The following PRMT7 variants were observed in gnomAD, a reference collection of about 807,000 sequenced individuals.
The protein encoded by PRMT7 is protein arginine methyltransferase 7.
Under a neutral mutation model 85.4 loss-of-function variants are expected in PRMT7, and 75 were observed. The ratio of observed to expected loss-of-function variants is 0.88; its 90% CI spans 0.73 to 1.06. The LOEUF is 1.06. PRMT7 is among the 50% of genes least tolerant of loss of function. The pLI, the probability that PRMT7 is intolerant of heterozygous loss-of-function variation, is 0.00. For missense variants in PRMT7, 868 were observed against 915.2 expected (o/e 0.95, Z 0.67); for synonymous variants, 397 against 359.5 (o/e 1.10, Z -1.18).
rs534158142 is a variant in PRMT7 at position 68,336,028 on chromosome 16, C to T, written c.392-1431C>T. Reference sequence around the variant, plus strand: ...CTGACCTCAGGTGATCTGCCCATCTCAGCCTCCCAAAGTGCTGGGATTACA... The same window carrying T: ...CTGACCTCAGGTGATCTGCCCATCTTAGCCTCCCAAAGTGCTGGGATTACA... On this transcript the variant is annotated intron_variant, in intron 6 of 18. Transcript: ENST00000441236. 3.9e-5 allele frequency among the ~76,000 whole-genome samples: 6 copies of T among 152,234 alleles called. No homozygotes were observed. In the East Asian group the frequency reaches 5.8e-4, roughly 15 times the overall value.
intron 9 of PRMT7, among the ~76,000 whole-genome samples, chr16:68,345,055 A>G (rs1315575803): frequency 6.6e-6 from 1 of 151,970 alleles, no homozygotes; most frequent in Non-Finnish European, 1.5e-5. Flanking sequence ...TTATCTCCCA[A>G]GAATGAAAAC....
At chr16:68,349,783 G>A (rs2087000224) in intron 14 of PRMT7, among the ~76,000 whole-genome samples, 1 of 152,094 alleles carries the variant, frequency 6.6e-6, no homozygotes, top group African/African-American at 2.4e-5. Context: ...AGTCCCAGGA[G>A]GCTGAGGTGG....
chr16:68,357,187 T>A lies in PRMT7; in HGVS notation c.2042T>A (p.Ile681Asn). 1 of 1,613,880 alleles carries A rather than the reference T, an allele frequency of 6.2e-7. No individual in the cohort carries two copies. The highest frequency in any genetic ancestry group is 8.5e-7 in the Non-Finnish European group (1 of 1,179,954). The change falls in exon 19 of 19, where the codon ATC (isoleucine) becomes AAC (asparagine). Residue 681 changes from isoleucine to asparagine, a missense_variant. Physicochemically the swap from Ile to Asn is moderately radical, Grantham distance 149. Coordinates refer to ENST00000441236, the MANE Select transcript of PRMT7 (RefSeq NM_019023.5). ...GAGTTTCACCCCGACACAGGCGACA[T>A]CATCATGGAGTTCAGGCATGCAGAT... ...AVEFHPDTGD[I>N]IMEFRHADTP... is the part of the protein sequence containing the mutation.
rs1210322152 is a variant in PRMT7, at chr16:68,357,152, C to T, written c.2007C>T (p.Ser669=). 4 of 1,614,040 alleles carry T rather than the reference C, an allele frequency of 2.5e-6. No individual in the cohort carries two copies. The highest frequency in any genetic ancestry group is 1.1e-5 in the South Asian group (1 of 91,088). Residue 669 remains serine (S), a synonymous_variant, in exon 19 of 19, where the codon AGC becomes AGT. Coordinates refer to ENST00000441236, the MANE Select transcript of PRMT7 (RefSeq NM_019023.5). ...TGCTGGGTGGCCCACGGACTGTCAGCTATGCAGTGGAGTTTCACCCCGACA... is the reference window on the plus strand; with the variant it reads ...TGCTGGGTGGCCCACGGACTGTCAGTTATGCAGTGGAGTTTCACCCCGACA... The part of the protein sequence containing the change: ...RALLGGPRTV[S]YAVEFHPDTG...
At chr16:68,316,861 C>T (rs1298668019) in intron 3 of PRMT7, 2 of 152,092 alleles carry the variant, frequency 1.3e-5, no homozygotes, top group African/African-American at 2.4e-5. Flanking sequence ...TGAAGAAGAT[C>T]CTGTTCTCAT....
In PRMT7 at chr16:68,324,551, C is replaced by A. The variant is rs1265706209; in HGVS notation, c.133-132C>A. ...CCTGCCCAACTCAGCCAGAGCTGTT[C>A]TGCCAGGGGCCAGAAAGGCCATAGG... On this transcript the variant is annotated intron_variant, in intron 4 of 18. Coordinates refer to ENST00000441236, the MANE Select transcript of PRMT7 (RefSeq NM_019023.5). The A allele has an allele frequency of 9.9e-6, 11 of 1,107,992 alleles. No individual in the cohort carries two copies. In the East Asian group the frequency reaches 2.8e-4, roughly 28 times the overall value. The allele number at this position is 1,107,992 out of a possible 1,614,324, so 68.6% of individuals were successfully genotyped here. A position where few individuals can be genotyped will look rare whatever the true frequency, so the allele number is the denominator to read the frequency against.
rs749561274 is a variant in PRMT7, at chr16:68,348,351, G to A, written c.1333G>A (p.Ala445Thr). Reference sequence around the variant, plus strand: ...CGGTTTTCTTTCTAAGATCTTCAAGGCTAACCACTTGGAAGATAAAATTAA... The same window carrying A: ...CGGTTTTCTTTCTAAGATCTTCAAGACTAACCACTTGGAAGATAAAATTAA... ...SHKLLRKIFK[A>T]NHLEDKINII... Residue 445 changes from alanine to threonine, a missense_variant, in exon 14 of 19, where the codon GCT becomes ACT. By Grantham distance (58) the Ala-to-Thr change is moderately conservative. Transcript: ENST00000441236. The A allele has an allele frequency of 5.6e-6, 9 of 1,604,406 alleles. No individual in the cohort carries two copies. The East Asian group carries it at 2.0e-4, about 36-fold the overall frequency.
At position 68,345,782 on chromosome 16, in the gene PRMT7, G is replaced by C. The variant is rs2086267363; in HGVS notation, c.1035G>C (p.Trp345Cys). 1 of 1,614,164 alleles carries C rather than the reference G, an allele frequency of 6.2e-7. No homozygotes were observed. Among genetic ancestry groups the C allele is most frequent in the East Asian group, 2.2e-5 (1 of 44,882 alleles). The change falls in exon 10 of 19, where the codon TGG becomes TGC. Residue 345 changes from tryptophan to cysteine, a missense_variant. By Grantham distance (215) the Trp-to-Cys change is radical. Transcript: ENST00000441236. ...CCCACCACGATGACTACTGCGTATG[G>C]TACAGCCTGCAGAGGACCAGGTACG... ...LVAHHDDYCV[W>C]YSLQRTSPEK...
In PRMT7 at chr16:68,311,057, A is replaced by T. The variant is rs2043542177; in HGVS notation, c.-261A>T. 1.2e-6 allele frequency: 1 copy of T among 857,698 alleles called. No individual in the cohort carries two copies. Among genetic ancestry groups the T allele is most frequent in the African/African-American group, 1.7e-5 (1 of 60,194 alleles). 53.1% of individuals were successfully genotyped at this position (857,698 alleles called of 1,614,324 possible). On this transcript the variant is annotated 5_prime_UTR_variant, in exon 1 of 19. Coordinates refer to ENST00000441236, the MANE Select transcript of PRMT7 (RefSeq NM_019023.5). Reference sequence around the variant, plus strand: ...CCCGCCCCGCGTGCTGGCCGCGGTAAAAGTGGTAGCAGCGGAGGCGAGCGG... The same window carrying T: ...CCCGCCCCGCGTGCTGGCCGCGGTATAAGTGGTAGCAGCGGAGGCGAGCGG...
chr16:68,345,740 A>G lies in PRMT7; in HGVS notation c.993A>G (p.Ser331=). ...LPQEEPVVQG[S]ALYLVAHHDD... ...AAGAGGAGCCTGTGGTGCAGGGCTC[A>G]GCGCTCTATCTGGTAGCCCACCACG... The change falls in exon 10 of 19, where the codon TCA becomes TCG. Residue 331 remains serine (S), a synonymous_variant. Coordinates refer to ENST00000441236, the MANE Select transcript of PRMT7 (RefSeq NM_019023.5). 1 of 1,614,148 alleles carries G rather than the reference A, an allele frequency of 6.2e-7. No homozygotes were observed. The highest frequency in any genetic ancestry group is 1.1e-5 in the South Asian group (1 of 91,088).
intron 18 of PRMT7, 47 bp from the exon 19 acceptor site, chr16:68,357,007 T>C (rs1827241526): frequency 2.6e-6 from 4 of 1,552,490 alleles, no homozygotes; most frequent in Non-Finnish European, 2.6e-6. Context: ...GGAAGGAGGC[T>C]CAGGTGCCAG....
intron 6 of PRMT7, 124 bp downstream of exon 6, chr16:68,329,298 G>C (rs2083522859): frequency 3.1e-6 from 2 of 653,672 alleles, no homozygotes; most frequent in East Asian, 2.9e-5. Context: ...TCTGTGTGGA[G>C]CTCTGACAGT....
chr16:68,358,616 G>GT (rs1403254259), downstream of PRMT7: 1 of 152,682 alleles, frequency 6.5e-6, no homozygotes, highest in Non-Finnish European at 1.5e-5. Flanking sequence ...AAAAGCAATA[G>GT]TTAAAAAGCA....
chr16:68,355,455 A>T, intron 16 of PRMT7: 1 of 348,738 alleles, frequency 2.9e-6, no homozygotes, highest in Non-Finnish European at 5.2e-6. Flanking sequence ...TGATGTAGAT[A>T]TGTGGTCCTC....
intron 14 of PRMT7, among the ~76,000 whole-genome samples, chr16:68,350,996 T>G (rs558018071): frequency 6.6e-6 from 1 of 152,260 alleles, no homozygotes; most frequent in Non-Finnish European, 1.5e-5. Flanking sequence ...CTCCTACTTT[T>G]GGGCTGTTGT....
At chr16:68,327,482 G>T (rs1304848596) in intron 5 of PRMT7, among the ~76,000 whole-genome samples, 2 of 152,180 alleles carry the variant, frequency 1.3e-5, no homozygotes, top group African/African-American at 4.8e-5. Flanking sequence ...GGTGGGGCCA[G>T]GATAGGGAAG....
In PRMT7 at chr16:68,315,977, A is replaced by G. The variant is rs1307110546; in HGVS notation, c.-3A>G. ...TGCTAAAACTGGGGAGCTAGTGGGC[A>G]CCATGAAGATCTTCTGCAGTCGGGC... On this transcript the variant is annotated 5_prime_UTR_variant, in exon 3 of 19. Transcript: ENST00000441236. The G allele has an allele frequency of 6.2e-7, 1 of 1,613,324 alleles. No individual in the cohort carries two copies. The highest frequency in any genetic ancestry group is 2.2e-5 in the East Asian group (1 of 44,880).
chr16:68,344,941 C>CACACACACACAT (rs1312571234), intron 9 of PRMT7, among the ~76,000 whole-genome samples: 3 of 139,984 alleles, frequency 2.1e-5, no homozygotes, highest in African/African-American at 8.2e-5. Context: ...TCTACACACA[C>CACACACACACAT]ACACACACAC....
chr16:68,360,146 G>A (rs907834946), downstream of PRMT7: 5 of 152,682 alleles, frequency 3.3e-5, no homozygotes, highest in African/African-American at 1.2e-4. Context: ...GGCAGGCAGG[G>A]GTTCCTGAGC....
Sources: allele counts gnomAD v4.1 joint callset (sites outside exome capture counted in the v4.1 genomes callset), GRCh38; gene constraint gnomAD v4.1.1; transcripts MANE v1.5; gene names NCBI Gene and HGNC (gene_info 2026-07-23, HGNC 2026-07-21).